EPHB3: variants seen among roughly 807,000 people sequenced by gnomAD.
The protein encoded by EPHB3 is ephrin type-B receptor 3.
Under a neutral mutation model 100.2 loss-of-function variants are expected in EPHB3, and 33 were observed. That is an observed-to-expected ratio of 0.33 (90% CI 0.25 to 0.44). The LOEUF (loss-of-function observed/expected upper bound fraction) is 0.44. Ranked by LOEUF, EPHB3 falls within the 20% of genes least tolerant of loss-of-function variation. The pLI is 1.00. For missense variants in EPHB3, 1,045 were observed against 1,378.3 expected (o/e 0.76, Z 3.83); for synonymous variants, 526 against 554.7 (o/e 0.95, Z 0.73).
chr3:184,564,404 A>G lies in EPHB3; in HGVS notation c.118+2051A>G, dbSNP rs182684925. Among the ~76,000 whole-genome samples, 183 of 152,348 alleles carry G rather than the reference A, an allele frequency of 1.2e-3. 1 individual carries two copies. Among genetic ancestry groups the G allele is most frequent in the Non-Finnish European group, 2.2e-3 (147 of 68,030 alleles). On this transcript the variant is annotated intron_variant, in intron 1 of 15. Coordinates refer to ENST00000330394, the MANE Select transcript of EPHB3 (RefSeq NM_004443.4). ...ATGCAAGGTGCTGACCCCAGCGCAG[A>G]CATTGCACCTACCCACCCTCTGGCT...
Position 184,581,536 on chromosome 3 carries a change from A to G in EPHB3, c.2911A>G (p.Thr971Ala), listed in dbSNP as rs746999423. Reference protein sequence around the residue: ...TAEDLLRIGVTLAGHQKKILS... With the variant: ...TAEDLLRIGVALAGHQKKILS... The stretch of plus-strand genomic sequence containing the variant: ...CAGAGACCTGCTCCGTATTGGGGTC[A>G]CCCTGGCCGGCCACCAGAAGAAGAT... Residue 971 changes from threonine (T) to alanine (A), a missense_variant, in exon 16 of 16, where the codon ACC becomes GCC. Thr to Ala is a moderately conservative substitution (Grantham distance 58). Transcript: ENST00000330394. 6.2e-7 allele frequency: 1 copy of G among 1,613,626 alleles called. No homozygotes were observed.
chr3:184,576,022 C>G, intron 4 of EPHB3, 37 bp downstream of exon 4: 1 of 1,567,720 alleles, frequency 6.4e-7, no homozygotes, highest in South Asian at 1.2e-5. Context: ...CCTCTGCAGG[C>G]CTTCCCTCTG....
In EPHB3 at chr3:184,578,957, G is replaced by A. The variant is rs189411747; in HGVS notation, c.1801+491G>A. On this transcript the variant is annotated intron_variant, in intron 9 of 15. Transcript: ENST00000330394. The surrounding 1 kb of genome is among the most constrained non-coding windows in gnomAD (Gnocchi z 4.7). Reference sequence around the variant, plus strand: ...AGCCCAACTGTGGGGGCAGCGAGAAGACTGGTTTGACAGCTGCTGGGAAGC... The same window carrying A: ...AGCCCAACTGTGGGGGCAGCGAGAAAACTGGTTTGACAGCTGCTGGGAAGC... Among the ~76,000 whole-genome samples, 936 of 152,244 alleles carry A rather than the reference G, an allele frequency of 6.1e-3. 9 individuals are homozygous for A. The highest frequency in any genetic ancestry group is 0.021 in the African/African-American group (856 of 41,546).
In EPHB3 at chr3:184,562,331, C is replaced by T. The variant is rs1156918491; in HGVS notation, c.96C>T (p.Pro32=). ...TGCTGCTGCCGCTGCTGCTGCTGCC[C>T]GCCGGCTGCCGGGCGCTGGAAGGTG... ...PLLLLPLLLL[P]AGCRALEETL... The change falls in exon 1 of 16, where the codon CCC becomes CCT. Residue 32 remains proline, a synonymous_variant. Coordinates refer to ENST00000330394, the MANE Select transcript of EPHB3 (RefSeq NM_004443.4). This position sits in a 1 kb window ranked among gnomAD's most constrained non-coding sequence, Gnocchi z 4.8. The T allele has an allele frequency of 4.0e-6, 5 of 1,242,840 alleles. No individual in the cohort carries two copies. In the East Asian group the frequency reaches 1.7e-4, roughly 42 times the overall value. The allele number at this position is 1,242,840 out of a possible 1,614,324, so 77.0% of individuals were successfully genotyped here. A position where few individuals can be genotyped will look rare whatever the true frequency, so the allele number is the denominator to read the frequency against.
At position 184,562,418 on chromosome 3, in the gene EPHB3, A is replaced by C; in HGVS notation, c.118+65A>C. 15 of 1,156,316 alleles carry C rather than the reference A, an allele frequency of 1.3e-5. No homozygotes were observed. The highest frequency in any genetic ancestry group is 1.6e-5 in the Non-Finnish European group (15 of 939,298). 71.6% of individuals were successfully genotyped at this position (1,156,316 alleles called of 1,614,324 possible). On this transcript the variant is annotated intron_variant, in intron 1 of 15. Coordinates refer to ENST00000330394, the MANE Select transcript of EPHB3 (RefSeq NM_004443.4). The surrounding 1 kb of genome is among the most constrained non-coding windows in gnomAD (Gnocchi z 4.8). ...TGGGGTCGCGGGGCTGCGGGCTAGC[A>C]GCGTGGGTCCGACCCGGATTGAGCG...
rs770812127 is a variant in EPHB3 at position 184,565,869 on chromosome 3, GC to G, written c.118+3518del. Among the ~76,000 whole-genome samples the G allele has an allele frequency of 3.3e-4, 51 of 152,364 alleles. No homozygotes were observed. Among genetic ancestry groups the G allele is most frequent in the Non-Finnish European group, 5.6e-4 (38 of 68,032 alleles). The stretch of plus-strand genomic sequence containing the variant: ...GCTTCAGCGGCTGCTGCGAGCTGAA[GC>G]CGAAGCTGCCGAAGCTGCCGTGGGC... On this transcript the variant is annotated intron_variant, in intron 1 of 15. Transcript: ENST00000330394. The surrounding 1 kb of genome is among the most constrained non-coding windows in gnomAD (Gnocchi z 4.8).
Position 184,582,252 on chromosome 3 carries a change from GA to G in EPHB3, c.*631del. On this transcript the variant is annotated 3_prime_UTR_variant, in exon 16 of 16. Coordinates refer to ENST00000330394, the MANE Select transcript of EPHB3 (RefSeq NM_004443.4). ...TCTCAGAGCCAGAGATGGGATGTGTGAGTGTGTGTGTGTGTGTGTGTGTGTG... is the reference window on the plus strand; with the variant it reads ...TCTCAGAGCCAGAGATGGGATGTGTGGTGTGTGTGTGTGTGTGTGTGTGTG... 2.7e-5 allele frequency: 1 copy of G among 36,654 alleles called. No individual in the cohort carries two copies. Among genetic ancestry groups the G allele is most frequent in the Non-Finnish European group, 5.2e-5 (1 of 19,098 alleles). 2.3% of individuals were successfully genotyped at this position (36,654 alleles called of 1,614,324 possible).
chr3:184,580,678 T>TG, intron 12 of EPHB3, 51 bp from the exon 13 acceptor site: 2 of 1,609,828 alleles, frequency 1.2e-6, no homozygotes, highest in Non-Finnish European at 1.7e-6. Context: ...GGCTCGGGCC[T>TG]GGGGGGCAGC....
chr3:184,571,676 T>C lies in EPHB3; in HGVS notation c.183+294T>C. On this transcript the variant is annotated intron_variant, in intron 2 of 15. Coordinates refer to ENST00000330394, the MANE Select transcript of EPHB3 (RefSeq NM_004443.4). This position sits in a 1 kb window ranked among gnomAD's most constrained non-coding sequence, Gnocchi z 5.0. ...GCCCTCTGCATGTCCATCCCCACCA[T>C]CTCCCTCCTCCCTGGGTCCCTGGAG... Among the ~76,000 whole-genome samples, 1 of 151,830 alleles carries C rather than the reference T, an allele frequency of 6.6e-6. No homozygotes were observed. Among genetic ancestry groups the C allele is most frequent in the Non-Finnish European group, 1.5e-5 (1 of 67,972 alleles).
Position 184,579,422 on chromosome 3 carries a change from G to C in EPHB3, c.1802-55G>C. ...GGAGCCTGCTGGAGCTGTGCCCATCGCAGGGAGAGGCTGGCTTGACGTTAC... is the reference window on the plus strand; with the variant it reads ...GGAGCCTGCTGGAGCTGTGCCCATCCCAGGGAGAGGCTGGCTTGACGTTAC... On this transcript the variant is annotated intron_variant, in intron 9 of 15. Coordinates refer to ENST00000330394, the MANE Select transcript of EPHB3 (RefSeq NM_004443.4). The surrounding 1 kb of genome is among the most constrained non-coding windows in gnomAD (Gnocchi z 5.2). The C allele has an allele frequency of 6.3e-7, 1 of 1,594,768 alleles. No homozygotes were observed. The highest frequency in any genetic ancestry group is 1.1e-5 in the South Asian group (1 of 89,286).
chr3:184,577,666 C>A lies in EPHB3; in HGVS notation c.1488C>A (p.Gly496=), dbSNP rs1714712000. The change falls in exon 7 of 16, where the codon GGC becomes GGA. Residue 496 remains glycine, a synonymous_variant. Coordinates refer to ENST00000330394, the MANE Select transcript of EPHB3 (RefSeq NM_004443.4). The surrounding 1 kb of genome is among the most constrained non-coding windows in gnomAD (Gnocchi z 4.9). ...YEMKYFEKSE[G]IASTVTSQMN... is the part of the protein sequence containing the mutation. ...CTCTCCTGGCATTGCAGAGCGAGGGCATCGCCTCCACAGTGACCAGCCAGA... is the reference window on the plus strand; with the variant it reads ...CTCTCCTGGCATTGCAGAGCGAGGGAATCGCCTCCACAGTGACCAGCCAGA... The A allele has an allele frequency of 6.3e-7, 1 of 1,597,146 alleles. No individual in the cohort carries two copies. The highest frequency in any genetic ancestry group is 2.2e-5 in the East Asian group (1 of 44,564).
At position 184,576,117 on chromosome 3, in the gene EPHB3, T is replaced by C. The variant is rs549432303; in HGVS notation, c.1012+132T>C. ...AGCTGAGGCTCAGGGAAGTTAGATGTTGCGCTCAACATGGCACAACTGGGA... is the reference window on the plus strand; with the variant it reads ...AGCTGAGGCTCAGGGAAGTTAGATGCTGCGCTCAACATGGCACAACTGGGA... On this transcript the variant is annotated intron_variant, in intron 4 of 15. Transcript: ENST00000330394. 10 of 1,292,370 alleles carry C rather than the reference T, an allele frequency of 7.7e-6. No individual in the cohort carries two copies. The South Asian group carries it at 9.8e-5, about 13-fold the overall frequency. The allele number at this position is 1,292,370 out of a possible 1,614,324, so 80.1% of individuals were successfully genotyped here.
chr3:184,574,936 G>A (rs1232811884), intron 3 of EPHB3, among the ~76,000 whole-genome samples: 1 of 152,374 alleles, frequency 6.6e-6, no homozygotes, highest in East Asian at 1.9e-4. Context: ...AGCGCTGGGC[G>A]TTCTCCCCTA....
At chr3:184,564,190 G>A (rs186479407) in intron 1 of EPHB3, among the ~76,000 whole-genome samples, 2 of 152,286 alleles carry the variant, frequency 1.3e-5, no homozygotes, top group East Asian at 1.9e-4. Flanking sequence ...CCCCATTCCC[G>A]GCCTGCCCAC....
At position 184,573,716 on chromosome 3, in the gene EPHB3, CTTT is replaced by C. The variant is rs67295730; in HGVS notation, c.856+556_856+558del. On this transcript the variant is annotated intron_variant, in intron 3 of 15. Transcript: ENST00000330394. This position sits in a 1 kb window ranked among gnomAD's most constrained non-coding sequence, Gnocchi z 4.5. ...CACTTACGTGACCTTGGGCAAGTTA[CTTT>C]TTTTTTTTTTTTTTTGAGATGGAGT... 5.1e-5 allele frequency among the ~76,000 whole-genome samples: 7 copies of C among 138,544 alleles called. No homozygotes were observed. Among genetic ancestry groups the C allele is most frequent in the Non-Finnish European group, 4.7e-5 (3 of 64,118 alleles). 90.9% of individuals were successfully genotyped at this position (138,544 alleles called of 152,430 possible). A position where few individuals can be genotyped will look rare whatever the true frequency, so the allele number is the denominator to read the frequency against.
chr3:184,564,015 T>G (rs1400063101), intron 1 of EPHB3, among the ~76,000 whole-genome samples: 1 of 152,080 alleles, frequency 6.6e-6, no homozygotes, highest in Admixed American at 6.5e-5. Context: ...TTCCCTTCCT[T>G]TCTGTCTTTC....
In EPHB3 at chr3:184,580,512, T is replaced by A. The variant is rs1714792112; in HGVS notation, c.2283T>A (p.Ala761=). ...EMNYVHRDLA[A]RNILVNSNLV... Reference sequence around the variant, plus strand: ...ACTATGTGCACCGCGACCTGGCTGCTCGCAACATCCTTGTCAACAGCAACC... The same window carrying A: ...ACTATGTGCACCGCGACCTGGCTGCACGCAACATCCTTGTCAACAGCAACC... Residue 761 remains alanine, a synonymous_variant, in exon 12 of 16, where the codon GCT becomes GCA. Transcript: ENST00000330394. The A allele has an allele frequency of 6.2e-6, 10 of 1,614,106 alleles. No individual in the cohort carries two copies. Among genetic ancestry groups the A allele is most frequent in the Middle Eastern group, 3.3e-4 (2 of 6,084 alleles).
At position 184,579,475 on chromosome 3, in the gene EPHB3, A is replaced by G; in HGVS notation, c.1802-2A>G. 1.9e-6 allele frequency: 3 copies of G among 1,612,954 alleles called. No homozygotes were observed. Among genetic ancestry groups the G allele is most frequent in the Non-Finnish European group, 2.5e-6 (3 of 1,179,096 alleles). On this transcript the variant is annotated splice_acceptor_variant, in intron 9 of 15. Transcript: ENST00000330394. LOFTEE classifies it high-confidence loss of function. This position sits in a 1 kb window ranked among gnomAD's most constrained non-coding sequence, Gnocchi z 5.2. ...TCTCACGCCCACCTCTTCTCCCTCC[A>G]GTTGCTCCTGGAATGAAGGTTTATA... is the stretch of plus-strand genomic sequence containing the variant.
At position 184,573,781 on chromosome 3, in the gene EPHB3, G is replaced by A. The variant is rs1577526908; in HGVS notation, c.856+605G>A. On this transcript the variant is annotated intron_variant, in intron 3 of 15. Coordinates refer to ENST00000330394, the MANE Select transcript of EPHB3 (RefSeq NM_004443.4). The surrounding 1 kb of genome is among the most constrained non-coding windows in gnomAD (Gnocchi z 4.5). ...TGCCTAGGCTGGAGTGCAATGGCGC[G>A]ATCTTGGCTTGCTGCAACCTCCACC... Among the ~76,000 whole-genome samples, 1 of 150,392 alleles carries A rather than the reference G, an allele frequency of 6.6e-6. No homozygotes were observed. Among genetic ancestry groups the A allele is most frequent in the Non-Finnish European group, 1.5e-5 (1 of 67,788 alleles).
Sources: gnomAD v4.1 joint callset for allele counts (sites outside exome capture counted in the v4.1 genomes callset) on GRCh38, gnomAD v4.1.1 for gene constraint, Gnocchi (gnomAD v3.1) non-coding constraint, MANE v1.5 for transcripts, NCBI Gene and HGNC (gene_info 2026-07-23, HGNC 2026-07-21) for gene names.